UMAD1: variants seen among roughly 807,000 people sequenced by gnomAD.
The protein encoded by UMAD1 is UBAP1-MVB12-associated (UMA)-domain containing protein 1.
A neutral mutation model predicts 6.1 loss-of-function variants in UMAD1; 8 were observed. That is an observed-to-expected ratio of 1.30 (90% CI 0.76 to 2.35). The LOEUF (loss-of-function observed/expected upper bound fraction) is 2.35, where lower values mean the gene tolerates loss of function less well. Ranked by LOEUF, UMAD1 falls within the 30% of genes most tolerant of loss-of-function variation. The pLI is 0.00. For missense variants in UMAD1, 130 were observed against 78.4 expected (o/e 1.66, Z -2.49); for synonymous variants, 56 against 31.4 (o/e 1.78, Z -2.61).
intron 3 of UMAD1, among the ~76,000 whole-genome samples, chr7:7,860,782 A>C (rs12534081): frequency 1.4e-3 from 61 of 43,940 alleles, no homozygotes; most frequent in African/African-American, 3.8e-3. Context: ...CTCAAAAAAA[A>C]AAAAAATAAC....
intron 3 of UMAD1, among the ~76,000 whole-genome samples, chr7:7,846,101 A>C (rs1161622279): frequency 6.6e-6 from 1 of 152,132 alleles, no homozygotes; most frequent in Non-Finnish European, 1.5e-5. Context: ...GTGATGTATG[A>C]ACTGTGACCT....
intron 1 of UMAD1, among the ~76,000 whole-genome samples, chr7:7,656,642 G>A (rs957353340): frequency 3.3e-5 from 5 of 152,156 alleles, no homozygotes; most frequent in African/African-American, 9.7e-5. Flanking sequence ...CAAAGGATAT[G>A]AACTCATTCT....
At chr7:7,758,152 G>A (rs530723652) in intron 2 of UMAD1, among the ~76,000 whole-genome samples, 3 of 152,122 alleles carry the variant, frequency 2.0e-5, no homozygotes, top group Non-Finnish European at 2.9e-5. Context: ...TCAAGCAGTC[G>A]TTCTGCCAAG....
At chr7:7,854,470 A>C (rs1235925801) in intron 3 of UMAD1, among the ~76,000 whole-genome samples, 1 of 151,872 alleles carries the variant, frequency 6.6e-6, no homozygotes, top group Admixed American at 6.6e-5. Flanking sequence ...TTTATGAGGC[A>C]GCAGAAGAGA....
At chr7:7,861,603 C>A (rs1784116632) in intron 3 of UMAD1, among the ~76,000 whole-genome samples, 1 of 152,130 alleles carries the variant, frequency 6.6e-6, no homozygotes. Context: ...CTCATAATTT[C>A]TGTACTCAGT....
intron 1 of UMAD1, among the ~76,000 whole-genome samples, chr7:7,667,661 C>T (rs1233754386): frequency 6.6e-6 from 1 of 152,158 alleles, no homozygotes; most frequent in Non-Finnish European, 1.5e-5. Context: ...TAAATGTCTT[C>T]ACAGCATAGA....
chr7:7,723,047 G>GT (rs1288413766), intron 2 of UMAD1, among the ~76,000 whole-genome samples: 1 of 80 alleles, frequency 0.013, no homozygotes, highest in Non-Finnish European at 0.031. Context: ...CCTCCCCTGA[G>GT]CAGTTGCCAG....
At chr7:7,834,667 C>T (rs1783532969) in intron 3 of UMAD1, among the ~76,000 whole-genome samples, 1 of 152,142 alleles carries the variant, frequency 6.6e-6, no homozygotes, top group Non-Finnish European at 1.5e-5. Context: ...CCACAAATCC[C>T]ATCATGAGGG....
chr7:7,848,158 A>T (rs1783846343), intron 3 of UMAD1, among the ~76,000 whole-genome samples: 1 of 152,156 alleles, frequency 6.6e-6, no homozygotes, highest in Non-Finnish European at 1.5e-5. Context: ...CTACAGTATA[A>T]CCTGTTTCAA....
At chr7:7,835,901 T>C (rs1783559717) in intron 3 of UMAD1, among the ~76,000 whole-genome samples, 1 of 152,078 alleles carries the variant, frequency 6.6e-6, no homozygotes, top group Non-Finnish European at 1.5e-5. Flanking sequence ...GATGATGTTA[T>C]TTTTATTTAC....
intron 2 of UMAD1, among the ~76,000 whole-genome samples, chr7:7,797,221 G>A (rs781778491): frequency 5.9e-5 from 9 of 152,082 alleles, no homozygotes; most frequent in Non-Finnish European, 1.2e-4. Flanking sequence ...CTCTCACATG[G>A]ACTAATAGAG....
chr7:7,717,627 C>G (rs555754350), intron 2 of UMAD1, among the ~76,000 whole-genome samples: 1 of 152,274 alleles, frequency 6.6e-6, no homozygotes, highest in South Asian at 2.1e-4. Context: ...AACATGGCCT[C>G]TATTTATTTA....
In UMAD1 at chr7:7,682,738, G is replaced by A. The variant is rs565545761; in HGVS notation, c.82+9285G>A. Among the ~76,000 whole-genome samples the A allele has an allele frequency of 5.9e-5, 9 of 152,264 alleles. 1 individual carries two copies. The highest frequency in any genetic ancestry group is 1.9e-4 in the East Asian group (1 of 5,192). On this transcript the variant is annotated intron_variant, in intron 2 of 3. Transcript: ENST00000682710. ...ACCCTATCGCTGTCTCCTTACCCACGTATCGGGATATCCAGAAAAACTCGA... is the reference window on the plus strand; with the variant it reads ...ACCCTATCGCTGTCTCCTTACCCACATATCGGGATATCCAGAAAAACTCGA...
chr7:7,860,287 A>T (rs973231721), intron 3 of UMAD1, among the ~76,000 whole-genome samples: 3 of 152,166 alleles, frequency 2.0e-5, no homozygotes, highest in African/African-American at 7.2e-5. Flanking sequence ...AAAATGTACA[A>T]ATTTATCTTA....
At chr7:7,766,487 AAG>A (rs1378207486) in intron 2 of UMAD1, among the ~76,000 whole-genome samples, 2 of 152,204 alleles carry the variant, frequency 1.3e-5, no homozygotes, top group East Asian at 1.9e-4. Flanking sequence ...CACATAATAA[AAG>A]AACTCCCAAA....
At chr7:7,718,540 G>A (rs1780976892) in intron 2 of UMAD1, 1 of 152,184 alleles carries the variant, frequency 6.6e-6, no homozygotes, top group Non-Finnish European at 1.5e-5. Context: ...GTAAATGTGT[G>A]TTGTCCTCCT....
rs556850821 is a variant in UMAD1, at chr7:7,878,168, G to T, written c.*630G>T. The T allele has an allele frequency of 6.6e-6, 1 of 152,638 alleles. No homozygotes were observed. The highest frequency in any genetic ancestry group is 2.1e-4 in the South Asian group (1 of 4,828). The allele number at this position is 152,638 out of a possible 1,614,324, so 9.5% of individuals were successfully genotyped here. A position where few individuals can be genotyped will look rare whatever the true frequency, so the allele number is the denominator to read the frequency against. ...GAAACCCATGGCAGCCCTTTCCATC[G>T]TGAATAATCGTTGTGTTCCCACCTT... On this transcript the variant is annotated 3_prime_UTR_variant, in exon 4 of 4. Coordinates refer to ENST00000682710, the MANE Select transcript of UMAD1 (RefSeq NM_001302348.2).
At chr7:7,723,285 G>A (rs1024872995) in intron 2 of UMAD1, among the ~76,000 whole-genome samples, 1 of 152,188 alleles carries the variant, frequency 6.6e-6, no homozygotes, top group Non-Finnish European at 1.5e-5. Context: ...GATAATGGTG[G>A]AAGGAACATA....
chr7:7,821,710 A>G (rs150299059), intron 3 of UMAD1, among the ~76,000 whole-genome samples: 46 of 152,316 alleles, frequency 3.0e-4, no homozygotes, highest in Non-Finnish European at 7.3e-5. Context: ...ATCGATAGAT[A>G]CGGAAGGCTA....
Sources: allele counts gnomAD v4.1 joint callset (sites outside exome capture counted in the v4.1 genomes callset), GRCh38; gene constraint gnomAD v4.1.1; transcripts MANE v1.5; gene names NCBI Gene and HGNC (gene_info 2026-07-23, HGNC 2026-07-21).